Variants in CSRNP3 observed in about 807,000 individuals in gnomAD.
CSRNP3 encodes the protein cysteine/serine-rich nuclear protein 3.
A neutral mutation model predicts 48.0 loss-of-function variants in CSRNP3; 12 were observed. That is an observed-to-expected ratio of 0.25 (90% CI 0.16 to 0.41). The LOEUF (loss-of-function observed/expected upper bound fraction) is 0.41. Among genes scored for constraint, CSRNP3 ranks in the 10% least tolerant of loss-of-function variants. The probability of loss-of-function intolerance (pLI) is 1.00; values close to 1 mark genes in which losing one functional copy is unlikely to be tolerated. For missense variants in CSRNP3, 580 were observed against 724.4 expected (o/e 0.80, Z 2.29); for synonymous variants, 263 against 269.7 (o/e 0.98, Z 0.24).
chr2:165,595,683 C>G (rs1234794379), intron 4 of CSRNP3, among the ~76,000 whole-genome samples: 2 of 152,150 alleles, frequency 1.3e-5, no homozygotes, highest in East Asian at 3.9e-4. Context: ...AAGTCTCCCC[C>G]AATTGTGCAA....
At position 165,669,651 on chromosome 2, in the gene CSRNP3, C is replaced by T. The variant is rs189358844; in HGVS notation, c.409-6661C>T. On this transcript the variant is annotated intron_variant, in intron 5 of 6. Transcript: ENST00000651982. ...GTTTTCTCACAGTTATCAGTGCATA[C>T]GAATCTGCAAAATTAAGATGTTTGG... is the stretch of plus-strand genomic sequence containing the variant. Among the ~76,000 whole-genome samples, 167 of 152,150 alleles carry T rather than the reference C, an allele frequency of 1.1e-3. 1 individual carries two copies. Among genetic ancestry groups the T allele is most frequent in the African/African-American group, 3.7e-3 (154 of 41,510 alleles).
chr2:165,486,640 G>GACCCCTA (rs1345082875), intron 1 of CSRNP3, among the ~76,000 whole-genome samples: 1 of 88,992 alleles, frequency 1.1e-5, no homozygotes, highest in Non-Finnish European at 2.3e-5. Context: ...CCTGACCCCT[G>GACCCCTA]ACCCCCGAGC....
chr2:165,492,934 TAAAAAAAAA>T (rs374777311), intron 1 of CSRNP3, among the ~76,000 whole-genome samples: 1 of 90,738 alleles, frequency 1.1e-5, no homozygotes, highest in Non-Finnish European at 2.3e-5. Context: ...TCAAATTCCC[TAAAAAAAAA>T]AAAAAAAAAG....
rs1687627287 is a variant in CSRNP3 at position 165,686,151 on chromosome 2, A to ATGAG, written c.*6400_*6403dup. The ATGAG allele has an allele frequency of 6.6e-6, 1 of 151,974 alleles. No individual in the cohort carries two copies. The highest frequency in any genetic ancestry group is 2.4e-5 in the African/African-American group (1 of 41,398). The allele number at this position is 151,974 out of a possible 1,614,324, so 9.4% of individuals were successfully genotyped here. The stretch of plus-strand genomic sequence containing the variant: ...GGATTATCTTAAAAGGTATTTATTA[A>ATGAG]TGAGTATTTGGAAGAAAATTGACCT... On this transcript the variant is annotated 3_prime_UTR_variant, in exon 7 of 7. Transcript: ENST00000651982.
chr2:165,498,994 T>C (rs530014241), intron 2 of CSRNP3, among the ~76,000 whole-genome samples: 188 of 152,316 alleles, frequency 1.2e-3, no homozygotes, highest in Middle Eastern at 6.8e-3. Flanking sequence ...GTAATTTATT[T>C]ACAAATAAAT....
intron 4 of CSRNP3, among the ~76,000 whole-genome samples, chr2:165,623,290 C>G (rs890778098): frequency 6.6e-6 from 1 of 152,040 alleles, no homozygotes; most frequent in African/African-American, 2.4e-5. Flanking sequence ...CAAGCATAAC[C>G]GCCTGAGCTA....
At chr2:165,536,900 T>C (rs1684889152) in intron 3 of CSRNP3, among the ~76,000 whole-genome samples, 1 of 151,900 alleles carries the variant, frequency 6.6e-6, no homozygotes, top group Non-Finnish European at 1.5e-5. Flanking sequence ...AATTAATATA[T>C]ATTAAGATCT....
intron 1 of CSRNP3, among the ~76,000 whole-genome samples, chr2:165,483,459 C>A (rs1404974612): frequency 6.6e-6 from 1 of 152,126 alleles, no homozygotes; most frequent in Non-Finnish European, 1.5e-5. Flanking sequence ...TAATAACTTA[C>A]AATTTTCTAC....
At position 165,679,237 on chromosome 2, in the gene CSRNP3, T is replaced by C; in HGVS notation, c.1242T>C (p.Asp414=). The C allele has an allele frequency of 6.2e-7, 1 of 1,613,984 alleles. No homozygotes were observed. The highest frequency in any genetic ancestry group is 8.5e-7 in the Non-Finnish European group (1 of 1,179,972). The change falls in exon 7 of 7, where the codon GAT becomes GAC. Residue 414 remains aspartate (D), a synonymous_variant. Coordinates refer to ENST00000651982, the MANE Select transcript of CSRNP3 (RefSeq NM_001172173.2). ...TTCCTTCAGTTCTTTGTTATTCTGA[T>C]GGCACCGCCGTTCACGAAAGCCATG... is the stretch of plus-strand genomic sequence containing the variant. The part of the protein sequence containing the change: ...VPLPSVLCYS[D]GTAVHESHAK...
intron 4 of CSRNP3, among the ~76,000 whole-genome samples, chr2:165,596,946 A>G (rs12617873): frequency 0.28 from 42,713 of 152,118 alleles, 6,836 homozygotes; most frequent in Admixed American, 0.41. Flanking sequence ...TCTGAAAGTA[A>G]GTAGTACTAC....
At chr2:165,643,061 C>G (rs970374414) in intron 4 of CSRNP3, among the ~76,000 whole-genome samples, 1 of 152,172 alleles carries the variant, frequency 6.6e-6, no homozygotes, top group African/African-American at 2.4e-5. Flanking sequence ...TAACATAAAA[C>G]TGCTAGATGA....
chr2:165,646,805 T>C (rs1686818779), intron 4 of CSRNP3, among the ~76,000 whole-genome samples: 1 of 152,110 alleles, frequency 6.6e-6, no homozygotes, highest in African/African-American at 2.4e-5. Context: ...GCCAGAACTG[T>C]GATTATTTAT....
intron 4 of CSRNP3, among the ~76,000 whole-genome samples, chr2:165,657,395 C>T (rs138703418): frequency 5.3e-4 from 80 of 152,156 alleles, no homozygotes; most frequent in African/African-American, 1.9e-3. Context: ...CAATACTGTC[C>T]GTGATTTCAG....
chr2:165,557,767 T>C (rs1685179249), intron 3 of CSRNP3, among the ~76,000 whole-genome samples: 1 of 152,216 alleles, frequency 6.6e-6, no homozygotes, highest in Non-Finnish European at 1.5e-5. Flanking sequence ...AATATTTAAT[T>C]GAATCCCAGG....
intron 4 of CSRNP3, among the ~76,000 whole-genome samples, chr2:165,595,700 AC>A (rs1283936049): frequency 2.6e-5 from 4 of 152,206 alleles, no homozygotes; most frequent in Non-Finnish European, 1.5e-5. Context: ...GCAAGTGTGT[AC>A]AGTCTAATGG....
At chr2:165,527,151 GA>G (rs1225281850) in intron 3 of CSRNP3, among the ~76,000 whole-genome samples, 1 of 147,798 alleles carries the variant, frequency 6.8e-6, no homozygotes, top group African/African-American at 2.5e-5. Context: ...ACACATAAGT[GA>G]AAAATAAGTT....
intron 4 of CSRNP3, among the ~76,000 whole-genome samples, chr2:165,646,285 C>G (rs1686811268): frequency 6.6e-6 from 1 of 152,046 alleles, no homozygotes; most frequent in African/African-American, 2.4e-5. Context: ...AGAATAATTT[C>G]TAAGAGATTT....
intron 1 of CSRNP3, among the ~76,000 whole-genome samples, chr2:165,494,064 T>G (rs1196620573): frequency 1.3e-5 from 2 of 152,120 alleles, no homozygotes; most frequent in Non-Finnish European, 2.9e-5. Flanking sequence ...ACTGACCATG[T>G]TAATACAGAG....
chr2:165,672,111 T>C (rs4667491), intron 5 of CSRNP3, among the ~76,000 whole-genome samples: 123,147 of 152,090 alleles, frequency 0.81, 50,079 homozygotes, highest in Middle Eastern at 0.84. Flanking sequence ...CTGAGCCCTC[T>C]ACATCTCTAG....
Sources: gnomAD v4.1 joint callset for allele counts (sites outside exome capture counted in the v4.1 genomes callset) on GRCh38, gnomAD v4.1.1 for gene constraint, MANE v1.5 for transcripts, NCBI Gene and HGNC (gene_info 2026-07-23, HGNC 2026-07-21) for gene names.